Variants in MFAP1 observed in about 807,000 individuals in gnomAD.
The protein encoded by MFAP1 is microfibril associated protein 1, also known as microfibrillar-associated protein 1.
A neutral mutation model predicts 62.2 loss-of-function variants in MFAP1; 18 were observed. The observed-to-expected ratio is 0.29, with a 90% confidence interval of 0.20 to 0.43. MFAP1 has a LOEUF of 0.43. Ranked by LOEUF, MFAP1 falls within the 20% of genes least tolerant of loss-of-function variation. The probability of loss-of-function intolerance (pLI) is 1.00; values close to 1 mark genes in which losing one functional copy is unlikely to be tolerated. For synonymous variants in MFAP1, 175 were observed against 180.4 expected, an observed-to-expected ratio of 0.97 and a Z score of 0.24; for missense variants, 355 against 559.7, an observed-to-expected ratio of 0.63 and a Z score of 3.69.
At position 43,817,306 on chromosome 15, in the gene MFAP1, C is replaced by G; in HGVS notation, c.222G>C (p.Glu74Asp). The change falls in exon 2 of 9, where the codon GAG becomes GAC. Residue 74 changes from glutamate to aspartate, a missense_variant. By Grantham distance (45) the Glu-to-Asp change is conservative. Around this residue, in one of 6 missense-constraint regions of MFAP1, gnomAD observed 257 missense variants for 341.3 expected, o/e 0.75. Coordinates refer to ENST00000267812, the MANE Select transcript of MFAP1 (RefSeq NM_005926.3). ...CACTGGATGAATCCTCCTCCTGTTC[C>G]TCAGGCTCTGCTTCTTGTTCTTTGG... ...KKAKEQEAEP[E>D]EQEEDSSSDP... 6.2e-7 allele frequency: 1 copy of G among 1,614,130 alleles called. No individual in the cohort carries two copies. The highest frequency in any genetic ancestry group is 8.5e-7 in the Non-Finnish European group (1 of 1,180,038).
intron 1 of MFAP1, among the ~76,000 whole-genome samples, chr15:43,823,082 C>T (rs2087476544): frequency 6.6e-6 from 1 of 151,944 alleles, no homozygotes; most frequent in Admixed American, 6.6e-5. Context: ...GGTGATCCAC[C>T]AGCCTCAGCC....
At position 43,823,376 on chromosome 15, in the gene MFAP1, ACTTT is replaced by A. The variant is rs553413363; in HGVS notation, c.79+1111_79+1114del. ...TTGGCTAGAGAATGACAATTGCAGAACTTTCTTTTTTTTTTTTTGAGAGAGTGTC... is the reference window on the plus strand; with the variant it reads ...TTGGCTAGAGAATGACAATTGCAGAACTTTTTTTTTTTTTGAGAGAGTGTC... On this transcript the variant is annotated intron_variant, in intron 1 of 8. Coordinates refer to ENST00000267812, the MANE Select transcript of MFAP1 (RefSeq NM_005926.3). Among the ~76,000 whole-genome samples the A allele has an allele frequency of 5.2e-3, 790 of 150,620 alleles. 7 individuals are homozygous for A. Among genetic ancestry groups the A allele is most frequent in the African/African-American group, 0.018 (731 of 41,072 alleles).
Position 43,824,659 on chromosome 15 carries a change from C to T in MFAP1, c.-90G>A. Reference sequence around the variant, plus strand: ...CAACGAAGAGAAGAAATTCCTTCCACCTGAGTCCGCGAACACAGCTGCGCG... The same window carrying T: ...CAACGAAGAGAAGAAATTCCTTCCATCTGAGTCCGCGAACACAGCTGCGCG... On this transcript the variant is annotated 5_prime_UTR_variant, in exon 1 of 9. In the 5' UTR this introduces an upstream ATG that the reference lacks. Transcript: ENST00000267812. The T allele has an allele frequency of 2.2e-6, 3 of 1,352,686 alleles. No individual in the cohort carries two copies. In the East Asian group the frequency reaches 7.0e-5, roughly 32 times the overall value. 83.8% of individuals were successfully genotyped at this position (1,352,686 alleles called of 1,614,324 possible).
intron 2 of MFAP1, among the ~76,000 whole-genome samples, chr15:43,815,546 G>A (rs745518865): frequency 1.3e-5 from 2 of 152,076 alleles, no homozygotes; most frequent in African/African-American, 2.4e-5. Flanking sequence ...ATGTCAGAGC[G>A]AATAGTCAAG....
At chr15:43,817,736 A>C (rs1220572907) in intron 1 of MFAP1, among the ~76,000 whole-genome samples, 1 of 152,122 alleles carries the variant, frequency 6.6e-6, no homozygotes, top group African/African-American at 2.4e-5. Flanking sequence ...GTCCCCCCCC[A>C]AAAAGGCAGA....
chr15:43,813,200 C>G (rs2141708015), intron 5 of MFAP1, 49 bp downstream of exon 5: 1 of 1,614,136 alleles, frequency 6.2e-7, no homozygotes, highest in Non-Finnish European at 8.5e-7. Flanking sequence ...TCAGACAAAC[C>G]TGATTACACT....
rs761454677 is a variant in MFAP1, at chr15:43,817,457, G to A, written c.80-9C>T. 6.2e-7 allele frequency: 1 copy of A among 1,614,010 alleles called. No individual in the cohort carries two copies. Among genetic ancestry groups the A allele is most frequent in the Non-Finnish European group, 8.5e-7 (1 of 1,179,942 alleles). On this transcript the variant is annotated splice_polypyrimidine_tract_variant and intron_variant, in intron 1 of 8. Coordinates refer to ENST00000267812, the MANE Select transcript of MFAP1 (RefSeq NM_005926.3). ...TTCCATTGAAATCTCACCTGGGCGA[G>A]AAAGGTAACTTATGTTTCAGTAGCC...
intron 1 of MFAP1, among the ~76,000 whole-genome samples, chr15:43,818,262 G>A (rs936556107): frequency 1.4e-4 from 21 of 151,690 alleles, no homozygotes; most frequent in African/African-American, 4.4e-4. Context: ...CTCATGATCC[G>A]CCCACCTCAG....
chr15:43,813,240 C>A lies in MFAP1; in HGVS notation c.726+9G>T, dbSNP rs536461217. 195 of 1,614,110 alleles carry A rather than the reference C, an allele frequency of 1.2e-4. 1 individual carries two copies. In the South Asian group the frequency reaches 2.0e-3, roughly 17 times the overall value. On this transcript the variant is annotated intron_variant, in intron 5 of 8. Coordinates refer to ENST00000267812, the MANE Select transcript of MFAP1 (RefSeq NM_005926.3). ...CTTGTACTCATTCCTTGCAACCACTCCCCAGTACCTTGAGTGTGTACTTGC... is the reference window on the plus strand; with the variant it reads ...CTTGTACTCATTCCTTGCAACCACTACCCAGTACCTTGAGTGTGTACTTGC...
intron 6 of MFAP1, among the ~76,000 whole-genome samples, chr15:43,810,477 C>T (rs908705784): frequency 1.3e-5 from 2 of 151,532 alleles, no homozygotes; most frequent in African/African-American, 4.9e-5. Flanking sequence ...TGCCATTCTC[C>T]TGCCTCAGCC....
At chr15:43,815,184 G>GTTTTT in intron 2 of MFAP1, 110 bp from the exon 3 acceptor site, 3 of 1,180,106 alleles carry the variant, frequency 2.5e-6, no homozygotes, top group Non-Finnish European at 3.5e-6. Context: ...TAATACTGAA[G>GTTTTT]TTTTTTTTTT....
In MFAP1 at chr15:43,805,041, A is replaced by G; in HGVS notation, c.*53T>C. 6.7e-7 allele frequency: 1 copy of G among 1,502,758 alleles called. No homozygotes were observed. Among genetic ancestry groups the G allele is most frequent in the Non-Finnish European group, 8.9e-7 (1 of 1,117,348 alleles). 93.1% of individuals were successfully genotyped at this position (1,502,758 alleles called of 1,614,324 possible). On this transcript the variant is annotated 3_prime_UTR_variant, in exon 9 of 9. Coordinates refer to ENST00000267812, the MANE Select transcript of MFAP1 (RefSeq NM_005926.3). Reference sequence around the variant, plus strand: ...CAATGAAAAAACCAAATCAAGGACCAGATGCTGAGACTCCCCTTGTGTTCC... The same window carrying G: ...CAATGAAAAAACCAAATCAAGGACCGGATGCTGAGACTCCCCTTGTGTTCC...
Position 43,809,771 on chromosome 15 carries a change from C to T in MFAP1, c.1031G>A (p.Arg344Gln), listed in dbSNP as rs752730378. 2.5e-6 allele frequency: 4 copies of T among 1,613,842 alleles called. No homozygotes were observed. The highest frequency in any genetic ancestry group is 2.2e-5 in the South Asian group (2 of 91,052). The change falls in exon 7 of 9, where the codon CGG (arginine) becomes CAG (glutamine). Residue 344 changes from arginine to glutamine, a missense_variant. Transcript: ENST00000267812. ...ACTTCTTACCATGAAGAAGGCACCC[C>T]GGTGATAATACTTCTGTAAGAACTT... is the stretch of plus-strand genomic sequence containing the variant. ...KYKFLQKYYH[R>Q]GAFFMDEDEE...
At chr15:43,819,380 G>A (rs1247688735) in intron 1 of MFAP1, among the ~76,000 whole-genome samples, 1 of 152,154 alleles carries the variant, frequency 6.6e-6, no homozygotes, top group Non-Finnish European at 1.5e-5. Context: ...GGCCTCAAGT[G>A]ATCCTCCAGC....
At chr15:43,810,347 A>T (rs1317354636) in intron 6 of MFAP1, among the ~76,000 whole-genome samples, 1 of 151,362 alleles carries the variant, frequency 6.6e-6, no homozygotes, top group Middle Eastern at 3.2e-3. Context: ...ATCATTAATT[A>T]GATTGCAGTA....
At chr15:43,807,212 G>A (rs1004706248) in intron 7 of MFAP1, among the ~76,000 whole-genome samples, 7 of 151,486 alleles carry the variant, frequency 4.6e-5, no homozygotes, top group African/African-American at 1.2e-4. Flanking sequence ...CTAGTTGGGC[G>A]TGGTGGTACA....
chr15:43,813,603 T>C (rs561159557), intron 4 of MFAP1, among the ~76,000 whole-genome samples: 140 of 146,280 alleles, frequency 9.6e-4, no homozygotes, highest in Middle Eastern at 3.7e-3. Flanking sequence ...CTCCGCCTCC[T>C]GGGTTCAAGC....
intron 6 of MFAP1, 144 bp from the exon 7 acceptor site, chr15:43,810,058 G>T: frequency 1.0e-6 from 1 of 975,636 alleles, no homozygotes; most frequent in Non-Finnish European, 1.5e-6. Flanking sequence ...AAGATAAGGA[G>T]CTCAATAAAC....
chr15:43,806,282 C>G (rs2087364959), intron 7 of MFAP1, among the ~76,000 whole-genome samples: 1 of 152,112 alleles, frequency 6.6e-6, no homozygotes. Flanking sequence ...TTTATTGGGA[C>G]TTGAAATGCA....
Sources: allele counts gnomAD v4.1 joint callset (sites outside exome capture counted in the v4.1 genomes callset), GRCh38; gene constraint gnomAD v4.1.1; regional missense constraint gnomAD v4.1.1; transcripts MANE v1.5; gene names NCBI Gene and HGNC (gene_info 2026-07-23, HGNC 2026-07-21).